TTC6: variants seen among roughly 807,000 people sequenced by gnomAD.
TTC6 encodes the protein tetratricopeptide repeat domain 6.
In TTC6, 172 loss-of-function variants were observed where a neutral mutation model predicts 210.4. The ratio of observed to expected loss-of-function variants is 0.82; its 90% CI spans 0.72 to 0.93. TTC6 has a LOEUF of 0.93. TTC6 is among the 40% of genes least tolerant of loss of function. The probability of loss-of-function intolerance (pLI) is 0.00; values close to 1 mark genes in which losing one functional copy is unlikely to be tolerated. For synonymous variants in TTC6, 804 were observed against 819.6 expected, an observed-to-expected ratio of 0.98 and a Z score of 0.32; for missense variants, 2,414 against 2,318.1, an observed-to-expected ratio of 1.04 and a Z score of -0.85.
In TTC6 at chr14:37,841,676, C is replaced by T. The variant is rs2096210515; in HGVS notation, c.5524+6C>T. ...TGAGGAAGACCTTAATAAAGGTACA[C>T]TTTTGGTAATTATTCTGGTAAGATT... On this transcript the variant is annotated splice_donor_region_variant and intron_variant, in intron 30 of 30. Coordinates refer to ENST00000553443, the Ensembl canonical transcript of TTC6. 1 of 1,588,940 alleles carries T rather than the reference C, an allele frequency of 6.3e-7. No homozygotes were observed. Among genetic ancestry groups the T allele is most frequent in the African/African-American group, 1.4e-5 (1 of 73,784 alleles).
At chr14:37,629,083 A>G (rs1216649091) in intron 1 of TTC6, among the ~76,000 whole-genome samples, 1 of 152,212 alleles carries the variant, frequency 6.6e-6, no homozygotes, top group East Asian at 1.9e-4. Flanking sequence ...TGTCTTGGCT[A>G]TACGGGCTCT....
chr14:37,824,237 A>G (rs1314966281), intron 27 of TTC6, among the ~76,000 whole-genome samples: 1 of 152,080 alleles, frequency 6.6e-6, no homozygotes, highest in African/African-American at 2.4e-5. Flanking sequence ...CTTCCTCCTC[A>G]CTTACAAACA....
At chr14:37,634,414 A>G (rs1357641775) in intron 1 of TTC6, among the ~76,000 whole-genome samples, 2 of 152,322 alleles carry the variant, frequency 1.3e-5, no homozygotes, top group African/African-American at 2.4e-5. Context: ...GGAGAACAAT[A>G]CAATATACTT....
chr14:37,777,603 T>A (rs969576648), intron 14 of TTC6, among the ~76,000 whole-genome samples: 9 of 152,182 alleles, frequency 5.9e-5, no homozygotes, highest in African/African-American at 2.2e-4. Flanking sequence ...GTTTCTGTGA[T>A]TTCAGCCATT....
At chr14:37,749,446 T>A in intron 11 of TTC6, 45 bp downstream of exon 13, 1 of 1,371,834 alleles carries the variant, frequency 7.3e-7, no homozygotes, top group Admixed American at 3.5e-5. Flanking sequence ...CATTTACACT[T>A]GCTTTTAATT....
chr14:37,604,044 G>A (rs2095620705), intron 1 of TTC6, among the ~76,000 whole-genome samples: 1 of 152,214 alleles, frequency 6.6e-6, no homozygotes, highest in African/African-American at 2.4e-5. Flanking sequence ...GCTGGGACAT[G>A]TAGTGTCAGG....
chr14:37,779,904 T>C (rs1339426299), intron 14 of TTC6, among the ~76,000 whole-genome samples: 2 of 152,236 alleles, frequency 1.3e-5, no homozygotes, highest in African/African-American at 4.8e-5. Context: ...GGAAAGAAAG[T>C]TTTTGAGAAA....
rs1307986415 is a variant in TTC6 at position 37,700,074 on chromosome 14, G to A, written c.1377-1258G>A. Among the ~76,000 whole-genome samples the A allele has an allele frequency of 2.6e-5, 4 of 152,082 alleles. No individual in the cohort carries two copies. The South Asian group carries it at 8.3e-4, about 31-fold the overall frequency. On this transcript the variant is annotated intron_variant, in intron 4 of 30. Coordinates refer to ENST00000553443, the Ensembl canonical transcript of TTC6. ...ATTCATATTCTCAGCTGTGTTTTGG[G>A]GGTCAGAAGAGAACATGACCTAAAG...
intron 1 of TTC6, among the ~76,000 whole-genome samples, chr14:37,676,117 A>T (rs2095768680): frequency 6.6e-6 from 1 of 151,994 alleles, no homozygotes. Context: ...AATGACGGTG[A>T]TTCTGAGAGG....
At chr14:37,697,903 ACAGAGT>A (rs1045919058) in intron 4 of TTC6, among the ~76,000 whole-genome samples, 5 of 152,152 alleles carry the variant, frequency 3.3e-5, no homozygotes, top group Admixed American at 1.3e-4. Context: ...ATGGCCACAC[ACAGAGT>A]CAGAGTCTTT....
At chr14:37,767,548 C>T (rs887110319) in intron 14 of TTC6, among the ~76,000 whole-genome samples, 23 of 152,112 alleles carry the variant, frequency 1.5e-4, no homozygotes, top group Non-Finnish European at 2.9e-4. Context: ...CTCTGATGGC[C>T]GGTGATGATG....
intron 6 of TTC6, among the ~76,000 whole-genome samples, chr14:37,720,053 A>G (rs11846187): frequency 0.015 from 2,287 of 152,298 alleles, 45 homozygotes; most frequent in African/African-American, 0.052. Context: ...ATTTCACCAC[A>G]TAGGATATAT....
chr14:37,829,157 T>A (rs2096178951), intron 29 of TTC6, among the ~76,000 whole-genome samples: 1 of 152,008 alleles, frequency 6.6e-6, no homozygotes, highest in Non-Finnish European at 1.5e-5. Context: ...ACTTTTAAAA[T>A]CCTTTGTTTT....
At chr14:37,829,275 C>T (rs2096179265) in intron 29 of TTC6, among the ~76,000 whole-genome samples, 1 of 151,846 alleles carries the variant, frequency 6.6e-6, no homozygotes, top group Non-Finnish European at 1.5e-5. Flanking sequence ...TTGGCATGAT[C>T]AATACATTTG....
chr14:37,773,374 A>G (rs1178418622), intron 14 of TTC6, among the ~76,000 whole-genome samples: 1 of 152,126 alleles, frequency 6.6e-6, no homozygotes, highest in Non-Finnish European at 1.5e-5. Context: ...TTACTAGGTT[A>G]TCATGCAGAG....
At chr14:37,760,360 C>G (rs1377741374) in intron 14 of TTC6, among the ~76,000 whole-genome samples, 1 of 152,170 alleles carries the variant, frequency 6.6e-6, no homozygotes, top group Admixed American at 6.5e-5. Flanking sequence ...CTTCCTGCTC[C>G]TTCCTCAGGA....
At chr14:37,728,779 G>C (rs1595162329) in intron 7 of TTC6, among the ~76,000 whole-genome samples, 1 of 152,108 alleles carries the variant, frequency 6.6e-6, no homozygotes, top group African/African-American at 2.4e-5. Context: ...TTTTCAGAGT[G>C]GCAAGGGCTA....
At chr14:37,668,915 T>C (rs887493549) in intron 1 of TTC6, among the ~76,000 whole-genome samples, 5 of 152,192 alleles carry the variant, frequency 3.3e-5, no homozygotes, top group Non-Finnish European at 5.9e-5. Flanking sequence ...TGATGTCTCT[T>C]GCTTCTTGGT....
intron 1 of TTC6, among the ~76,000 whole-genome samples, chr14:37,668,728 G>A (rs2095752896): frequency 6.6e-6 from 1 of 152,186 alleles, no homozygotes; most frequent in African/African-American, 2.4e-5. Context: ...GGTGTGGACA[G>A]AGTGAGAGGT....
Sources: gnomAD v4.1 joint callset for allele counts (sites outside exome capture counted in the v4.1 genomes callset) on GRCh38, gnomAD v4.1.1 for gene constraint, MANE v1.5 for transcripts, NCBI Gene and HGNC (gene_info 2026-07-23, HGNC 2026-07-21) for gene names.